The following THRB variants were observed in gnomAD, a reference collection of about 807,000 sequenced individuals.
THRB encodes thyroid hormone receptor beta, also known as nuclear receptor subfamily 1 group A member 2.
A neutral mutation model predicts 47.8 loss-of-function variants in THRB; 12 were observed. That is an observed-to-expected ratio of 0.25 (90% CI 0.16 to 0.41). THRB has a LOEUF of 0.41. Ranked by LOEUF, THRB falls within the 10% of genes least tolerant of loss-of-function variation. The pLI is 1.00. For missense variants in THRB, 348 were observed against 589.2 expected (o/e 0.59, Z 4.24); for synonymous variants, 218 against 212.2 (o/e 1.03, Z -0.24).
intron 2 of THRB, among the ~76,000 whole-genome samples, chr3:24,327,909 A>G (rs2061691989): frequency 6.6e-6 from 1 of 152,202 alleles, no homozygotes; most frequent in Admixed American, 6.5e-5. Context: ...AATGCATGAG[A>G]TGGACAAAGA....
intron 3 of THRB, among the ~76,000 whole-genome samples, chr3:24,239,137 T>C (rs1044005872): frequency 6.6e-6 from 1 of 152,122 alleles, no homozygotes; most frequent in South Asian, 2.1e-4. Flanking sequence ...ACCCAGGGTT[T>C]CACCATGTTG....
intron 2 of THRB, among the ~76,000 whole-genome samples, chr3:24,329,761 A>G (rs2061800594): frequency 1.3e-5 from 2 of 152,254 alleles, no homozygotes; most frequent in Admixed American, 1.3e-4. Flanking sequence ...GTGAGCAATC[A>G]ACAAAACTCT....
intron 1 of THRB, among the ~76,000 whole-genome samples, chr3:24,418,060 T>C (rs1245282684): frequency 4.6e-5 from 7 of 151,992 alleles, no homozygotes; most frequent in South Asian, 2.1e-4. Context: ...TCTCATAATC[T>C]TTTTTCCTTC....
At chr3:24,469,050 A>C (rs1175420864) in intron 1 of THRB, among the ~76,000 whole-genome samples, 1 of 152,162 alleles carries the variant, frequency 6.6e-6, no homozygotes, top group Non-Finnish European at 1.5e-5. Context: ...ACACATCCCC[A>C]TGGCTTTGCC....
intron 3 of THRB, among the ~76,000 whole-genome samples, chr3:24,250,488 A>G (rs1276473218): frequency 6.6e-6 from 1 of 152,166 alleles, no homozygotes; most frequent in African/African-American, 2.4e-5. Flanking sequence ...CTTGAGGCCA[A>G]GAGTTCAAGA....
At chr3:24,442,558 C>T (rs148430595) in intron 1 of THRB, among the ~76,000 whole-genome samples, 1 of 152,364 alleles carries the variant, frequency 6.6e-6, no homozygotes, top group Admixed American at 6.5e-5. Flanking sequence ...GGCGCAGTGG[C>T]TCACGCCTGT....
intron 5 of THRB, among the ~76,000 whole-genome samples, chr3:24,177,998 A>G (rs1042761183): frequency 6.6e-6 from 1 of 152,142 alleles, no homozygotes; most frequent in Non-Finnish European, 1.5e-5. Flanking sequence ...TATTATGGAG[A>G]AAGGTGTTCC....
intron 3 of THRB, among the ~76,000 whole-genome samples, chr3:24,269,956 C>A (rs147490815): frequency 6.6e-6 from 1 of 151,002 alleles, no homozygotes; most frequent in African/African-American, 2.4e-5. Context: ...AAACTCTTAG[C>A]TTTTTTTTTG....
At chr3:24,227,402 G>A (rs851717) in intron 4 of THRB, among the ~76,000 whole-genome samples, 108,435 of 152,102 alleles carry the variant, frequency 0.71, 40,017 homozygotes, top group African/African-American at 0.9. Flanking sequence ...GAAGGAGTGC[G>A]ATTTTAGTGG....
At chr3:24,139,395 T>TTG (rs2035145605) in intron 8 of THRB, among the ~76,000 whole-genome samples, 1 of 151,584 alleles carries the variant, frequency 6.6e-6, no homozygotes, top group Non-Finnish European at 1.5e-5. Flanking sequence ...CTTTCTTTTT[T>TTG]TTTTTTGAGA....
chr3:24,164,923 G>T, intron 5 of THRB: 1 of 610,074 alleles, frequency 1.6e-6, no homozygotes, highest in Non-Finnish European at 2.9e-6. Context: ...AATATTTAGC[G>T]TTCAAATTCA....
chr3:24,284,378 A>G (rs1343827781), intron 3 of THRB, among the ~76,000 whole-genome samples: 1 of 150,570 alleles, frequency 6.6e-6, no homozygotes, highest in Non-Finnish European at 1.5e-5. Flanking sequence ...GGCTAGCCAT[A>G]TGTAGAAAGC....
intron 3 of THRB, among the ~76,000 whole-genome samples, chr3:24,250,847 C>A (rs578006789): frequency 6.6e-6 from 1 of 152,064 alleles, no homozygotes; most frequent in African/African-American, 2.4e-5. Context: ...ACCAGAATAA[C>A]ATCACTAATG....
intron 2 of THRB, among the ~76,000 whole-genome samples, chr3:24,319,357 A>G (rs1463780299): frequency 1.3e-5 from 2 of 152,234 alleles, no homozygotes; most frequent in African/African-American, 4.8e-5. Flanking sequence ...ATACTGTGGT[A>G]TATCCATGTA....
At chr3:24,284,050 T>C (rs1393580174) in intron 3 of THRB, among the ~76,000 whole-genome samples, 2 of 136,812 alleles carry the variant, frequency 1.5e-5, no homozygotes, top group African/African-American at 2.6e-5. Flanking sequence ...AAGCTACCAA[T>C]GACTTTCTTC....
chr3:24,292,257 G>C (rs962370701), intron 3 of THRB, among the ~76,000 whole-genome samples: 1 of 152,072 alleles, frequency 6.6e-6, no homozygotes, highest in Non-Finnish European at 1.5e-5. Context: ...AGATAGGGAG[G>C]GGGCCTTCTA....
chr3:24,475,896 A>G lies in THRB; in HGVS notation c.-261+18756T>C, dbSNP rs150780074. On this transcript the variant is annotated intron_variant, in intron 1 of 10. Coordinates refer to ENST00000646209, the MANE Select transcript of THRB (RefSeq NM_001354712.2). Reference sequence around the variant, plus strand: ...GCATATGTAAAATCATGTTTAATATAATACTGCTTTAAATAGCTCACTCAG... The same window carrying G: ...GCATATGTAAAATCATGTTTAATATGATACTGCTTTAAATAGCTCACTCAG... Among the ~76,000 whole-genome samples the G allele has an allele frequency of 3.5e-3, 533 of 152,362 alleles. 6 individuals are homozygous for G. Among genetic ancestry groups the G allele is most frequent in the African/African-American group, 0.011 (466 of 41,592 alleles).
chr3:24,252,733 A>T (rs796120827), intron 3 of THRB, among the ~76,000 whole-genome samples: 9 of 152,260 alleles, frequency 5.9e-5, no homozygotes, highest in Admixed American at 4.6e-4. Context: ...ATGTAAAAAA[A>T]GAATAAGAGA....
intron 9 of THRB, among the ~76,000 whole-genome samples, chr3:24,132,485 A>G (rs1449906642): frequency 6.6e-6 from 1 of 152,196 alleles, no homozygotes; most frequent in Non-Finnish European, 1.5e-5. Flanking sequence ...CACTTAAAAA[A>G]CCTTTCAACA....
Sources: gnomAD v4.1 joint callset for allele counts (sites outside exome capture counted in the v4.1 genomes callset) on GRCh38, gnomAD v4.1.1 for gene constraint, MANE v1.5 for transcripts, NCBI Gene and HGNC (gene_info 2026-07-23, HGNC 2026-07-21) for gene names.